The following NT5C2 variants were observed in gnomAD, a reference collection of about 807,000 sequenced individuals.
The protein encoded by NT5C2 is 5'-nucleotidase, cytosolic II, also known as cytosolic purine 5'-nucleotidase.
In NT5C2, 58 loss-of-function variants were observed where a neutral mutation model predicts 76.1. The ratio of observed to expected loss-of-function variants is 0.76; its 90% CI spans 0.62 to 0.95. The LOEUF is 0.95. NT5C2 is among the 40% of genes least tolerant of loss of function. NT5C2 has a pLI of 0.00. For synonymous variants in NT5C2, 229 were observed against 237.4 expected, an observed-to-expected ratio of 0.96 and a Z score of 0.32; for missense variants, 478 against 690.3, an observed-to-expected ratio of 0.69 and a Z score of 3.45.
chr10:103,090,658 G>A lies in NT5C2; in HGVS notation c.1402C>T (p.Leu468=), dbSNP rs1428648532. 1.2e-6 allele frequency: 2 copies of A among 1,614,022 alleles called. No individual in the cohort carries two copies. Among genetic ancestry groups the A allele is most frequent in the African/African-American group, 1.3e-5 (1 of 74,908 alleles). The stretch of plus-strand genomic sequence containing the variant: ...AGGTAGCTGAAAGGGTAATACAGCA[G>A]GTTGATGAAAGATGCTGCATAGAGG... ...ADLYAASFIN[L]LYYPFSYLFR... Residue 468 remains leucine, a synonymous_variant, in exon 18 of 19, where the codon CTG becomes TTG. Coordinates refer to ENST00000404739, the MANE Select transcript of NT5C2 (RefSeq NM_001351169.2).
At chr10:103,125,289 TCA>T (rs1022901710) in intron 4 of NT5C2, 1 of 579,392 alleles carries the variant, frequency 1.7e-6, no homozygotes, top group African/African-American at 2.0e-5. Context: ...TGCTTCATTG[TCA>T]CAGTTAAAAA....
At chr10:103,108,666 A>G (rs2072066416) in intron 4 of NT5C2, among the ~76,000 whole-genome samples, 1 of 152,194 alleles carries the variant, frequency 6.6e-6, no homozygotes, top group Admixed American at 6.5e-5. Context: ...TGAAGTTTTT[A>G]AAAAGCAAGC....
At chr10:103,186,610 G>A (rs958624270) in intron 1 of NT5C2, among the ~76,000 whole-genome samples, 1 of 152,110 alleles carries the variant, frequency 6.6e-6, no homozygotes, top group Non-Finnish European at 1.5e-5. Context: ...AGTAATTCAA[G>A]GCTTAAAAAA....
chr10:103,151,913 A>G (rs897401372), intron 3 of NT5C2, among the ~76,000 whole-genome samples: 6 of 152,162 alleles, frequency 3.9e-5, no homozygotes, highest in Admixed American at 3.9e-4. Context: ...ATTGCTCCAG[A>G]GGCTCCTAGA....
At chr10:103,140,853 G>A (rs994640066) in intron 3 of NT5C2, among the ~76,000 whole-genome samples, 4 of 152,118 alleles carry the variant, frequency 2.6e-5, no homozygotes, top group Admixed American at 6.6e-5. Context: ...GTCTATGCAG[G>A]TCCTTTGCCC....
At chr10:103,183,037 C>A (rs2091360137) in intron 1 of NT5C2, among the ~76,000 whole-genome samples, 1 of 151,936 alleles carries the variant, frequency 6.6e-6, no homozygotes, top group Admixed American at 6.6e-5. Context: ...AACTTACTTA[C>A]AAATACATCC....
In NT5C2 at chr10:103,091,544, G is replaced by T. The variant is rs17094683; in HGVS notation, c.1211+20C>A. ...GATTCCTGAGTAAGTTTTTGGGAAA[G>T]AAATTTTTAGAAAACTTACTTGTAG... is the stretch of plus-strand genomic sequence containing the variant. On this transcript the variant is annotated intron_variant, in intron 16 of 18. Transcript: ENST00000404739. The T allele has an allele frequency of 0.094, 150,527 of 1,594,886 alleles. 9,311 individuals carry two copies. Among genetic ancestry groups the T allele is most frequent in the East Asian group, 0.26 (11,792 of 44,672 alleles).
At chr10:103,165,407 C>T (rs998271157) in intron 3 of NT5C2, among the ~76,000 whole-genome samples, 1 of 151,860 alleles carries the variant, frequency 6.6e-6, no homozygotes, top group Non-Finnish European at 1.5e-5. Flanking sequence ...GCAGGAGAAT[C>T]GCTTGAACCC....
chr10:103,161,660 G>T (rs1171824906), intron 3 of NT5C2, among the ~76,000 whole-genome samples: 1 of 152,016 alleles, frequency 6.6e-6, no homozygotes, highest in East Asian at 1.9e-4. Flanking sequence ...TGAGTGTGAG[G>T]CTTCTGTGAG....
rs972952275 is a variant in NT5C2, at chr10:103,119,343, T to G, written c.176-12637A>C. Among the ~76,000 whole-genome samples the G allele has an allele frequency of 8.5e-5, 13 of 152,284 alleles. No homozygotes were observed. The South Asian group carries it at 1.0e-3, about 12-fold the overall frequency. On this transcript the variant is annotated intron_variant, in intron 4 of 18. Coordinates refer to ENST00000404739, the MANE Select transcript of NT5C2 (RefSeq NM_001351169.2). ...GAGATCGCGCCATTGTACTCCAGCC[T>G]GGGCAACAAGAGCAAAATTTTGTCT...
chr10:103,183,524 T>G (rs979108055), intron 1 of NT5C2, among the ~76,000 whole-genome samples: 25 of 148,078 alleles, frequency 1.7e-4, no homozygotes, highest in African/African-American at 5.7e-4. Flanking sequence ...TTTTTTTTTT[T>G]TTTTAAAGAC....
chr10:103,156,649 G>T (rs2083454976), intron 3 of NT5C2, among the ~76,000 whole-genome samples: 1 of 152,050 alleles, frequency 6.6e-6, no homozygotes, highest in African/African-American at 2.4e-5. Flanking sequence ...CAGCTACTCG[G>T]GAGGCTGAGG....
At chr10:103,127,848 G>A (rs1312886805) in intron 4 of NT5C2, among the ~76,000 whole-genome samples, 1 of 151,296 alleles carries the variant, frequency 6.6e-6, no homozygotes, top group Admixed American at 6.6e-5. Context: ...GAGCCACCGC[G>A]CCCGGCCTAC....
intron 5 of NT5C2, among the ~76,000 whole-genome samples, 182 bp downstream of exon 5, chr10:103,106,407 T>C (rs532077109): frequency 1.3e-5 from 2 of 152,240 alleles, no homozygotes; most frequent in South Asian, 2.1e-4. Context: ...CACCAAGATA[T>C]GGTGTATATG....
intron 4 of NT5C2, among the ~76,000 whole-genome samples, chr10:103,129,505 G>A (rs1241580869): frequency 6.7e-3 from 572 of 85,274 alleles, no homozygotes; most frequent in Middle Eastern, 8.3e-3. Flanking sequence ...CCGGCCAGCC[G>A]CCCCGTCCGG....
At chr10:103,172,469 G>A (rs1014010420) in intron 3 of NT5C2, among the ~76,000 whole-genome samples, 10 of 151,578 alleles carry the variant, frequency 6.6e-5, no homozygotes, top group Admixed American at 2.0e-4. Context: ...GGAAGGTCTC[G>A]ATCTCCTGAC....
intron 9 of NT5C2, among the ~76,000 whole-genome samples, 157 bp from the exon 10 acceptor site, chr10:103,099,141 C>G (rs987364751): frequency 1.3e-5 from 2 of 152,156 alleles, no homozygotes; most frequent in Admixed American, 6.5e-5. Context: ...GGTACAATCT[C>G]AGCTCACTGC....
At chr10:103,129,508 C>T (rs2077532739) in intron 4 of NT5C2, among the ~76,000 whole-genome samples, 7 of 128,018 alleles carry the variant, frequency 5.5e-5, no homozygotes, top group Admixed American at 5.1e-4. Context: ...GCCAGCCGCC[C>T]CGTCCGGGAG....
intron 4 of NT5C2, among the ~76,000 whole-genome samples, chr10:103,123,851 G>A (rs2076174205): frequency 6.6e-6 from 1 of 151,614 alleles, no homozygotes; most frequent in African/African-American, 2.4e-5. Flanking sequence ...CGAAATTGGG[G>A]GGGGAAAAAA....
Sources: gnomAD v4.1 joint callset for allele counts (sites outside exome capture counted in the v4.1 genomes callset) on GRCh38, gnomAD v4.1.1 for gene constraint, MANE v1.5 for transcripts, NCBI Gene and HGNC (gene_info 2026-07-23, HGNC 2026-07-21) for gene names.